MAPK8: variants seen among roughly 807,000 people sequenced by gnomAD.
The protein encoded by MAPK8 is JUN N-terminal kinase.
Under a neutral mutation model 52.9 loss-of-function variants are expected in MAPK8, and 13 were observed. That is an observed-to-expected ratio of 0.25 (90% CI 0.16 to 0.39). MAPK8 has a LOEUF of 0.39. Ranked by LOEUF, MAPK8 falls within the 10% of genes least tolerant of loss-of-function variation. The pLI, the probability that MAPK8 is intolerant of heterozygous loss-of-function variation, is 1.00. For synonymous variants in MAPK8, 191 were observed against 169.8 expected, an observed-to-expected ratio of 1.12 and a Z score of -0.97; for missense variants, 300 against 519.2, an observed-to-expected ratio of 0.58 and a Z score of 4.10.
chr10:48,416,582 A>G (rs1165659613), intron 5 of MAPK8, among the ~76,000 whole-genome samples: 2 of 152,220 alleles, frequency 1.3e-5, no homozygotes, highest in East Asian at 3.8e-4. Context: ...AGGAACTGGA[A>G]TGACCAAATT....
chr10:48,315,629 C>A (rs1418634466), intron 1 of MAPK8, among the ~76,000 whole-genome samples: 3 of 140,850 alleles, frequency 2.1e-5, no homozygotes, highest in South Asian at 2.2e-4. Flanking sequence ...GAAATGGCAT[C>A]TTTTTTTCCA....
At chr10:48,428,490 CAT>C (rs2043861937) in intron 10 of MAPK8, among the ~76,000 whole-genome samples, 1 of 152,180 alleles carries the variant, frequency 6.6e-6, no homozygotes, top group African/African-American at 2.4e-5. Context: ...GAGGTATAAA[CAT>C]GAATAAGTGA....
intron 1 of MAPK8, among the ~76,000 whole-genome samples, chr10:48,344,424 T>C (rs1845577427): frequency 6.6e-6 from 1 of 152,224 alleles, no homozygotes; most frequent in Non-Finnish European, 1.5e-5. Flanking sequence ...TCATCGATTT[T>C]TCATCAGGTA....
chr10:48,324,628 A>G (rs992459880), intron 1 of MAPK8, among the ~76,000 whole-genome samples: 3 of 151,416 alleles, frequency 2.0e-5, no homozygotes, highest in Non-Finnish European at 2.9e-5. Context: ...TTTTATCTCA[A>G]TTCCCACTGT....
intron 1 of MAPK8, among the ~76,000 whole-genome samples, chr10:48,394,061 C>G (rs1171967491): frequency 6.6e-6 from 1 of 151,798 alleles, no homozygotes; most frequent in East Asian, 1.9e-4. Flanking sequence ...CCTTGAAAAA[C>G]ACAAACTAAC....
In MAPK8 at chr10:48,426,031, G is replaced by A; in HGVS notation, c.832G>A (p.Val278Ile). 1 of 1,612,222 alleles carries A rather than the reference G, an allele frequency of 6.2e-7. No homozygotes were observed. The highest frequency in any genetic ancestry group is 8.5e-7 in the Non-Finnish European group (1 of 1,179,262). Residue 278 changes from valine to isoleucine, a missense_variant, in exon 8 of 12, where the codon GTC (valine) becomes ATC (isoleucine). Transcript: ENST00000374189. Reference sequence around the variant, plus strand: ...TAGCTTTGAGAAACTCTTCCCTGATGTCCTTTTCCCAGCTGACTCAGAACA... The same window carrying A: ...TAGCTTTGAGAAACTCTTCCCTGATATCCTTTTCCCAGCTGACTCAGAACA... ...GYSFEKLFPD[V>I]LFPADSEHNK...
intron 1 of MAPK8, among the ~76,000 whole-genome samples, chr10:48,326,805 C>T (rs1205097938): frequency 6.6e-6 from 1 of 152,154 alleles, no homozygotes; most frequent in Non-Finnish European, 1.5e-5. Flanking sequence ...TAAATTTCCT[C>T]CAATAGCGGG....
intron 6 of MAPK8, among the ~76,000 whole-genome samples, chr10:48,421,221 A>G (rs1001495152): frequency 2.0e-5 from 3 of 152,244 alleles, no homozygotes; most frequent in Non-Finnish European, 4.4e-5. Flanking sequence ...AAAAGATACA[A>G]TTAAGCTGAG....
intron 1 of MAPK8, among the ~76,000 whole-genome samples, chr10:48,390,206 A>G (rs944859694): frequency 6.6e-6 from 1 of 152,192 alleles, no homozygotes; most frequent in African/African-American, 2.4e-5. Flanking sequence ...CAGGGCTTCT[A>G]CTGATTGAAT....
At chr10:48,401,067 G>A (rs756422540) in intron 1 of MAPK8, among the ~76,000 whole-genome samples, 8 of 152,180 alleles carry the variant, frequency 5.3e-5, no homozygotes, top group Non-Finnish European at 1.2e-4. Flanking sequence ...GCCTTGGCAG[G>A]TCAGAGGATC....
At chr10:48,427,685 G>A (rs1163884638) in intron 10 of MAPK8, among the ~76,000 whole-genome samples, 2 of 152,104 alleles carry the variant, frequency 1.3e-5, no homozygotes, top group Non-Finnish European at 2.9e-5. Flanking sequence ...GTAGAGACAG[G>A]GTTTCACCAT....
rs71465463 is a variant in MAPK8, at chr10:48,403,917, TTGTGTGTG to T, written c.123-901_123-894del. Among the ~76,000 whole-genome samples, 104 of 125,748 alleles carry T rather than the reference TTGTGTGTG, an allele frequency of 8.3e-4. 1 individual carries two copies. Among genetic ancestry groups the T allele is most frequent in the South Asian group, 1.8e-3 (7 of 3,814 alleles). The allele number at this position is 125,748 out of a possible 152,430, so 82.5% of individuals were successfully genotyped here. ...GTGCCTGCCACCACGCCCGGCTAAT[TTGTGTGTG>T]TGTGTGTGTGTGTGTGTGTGTGTGT... On this transcript the variant is annotated intron_variant, in intron 2 of 11. Transcript: ENST00000374189.
intron 1 of MAPK8, among the ~76,000 whole-genome samples, chr10:48,313,632 C>G (rs978645601): frequency 3.9e-5 from 6 of 152,216 alleles, no homozygotes; most frequent in Non-Finnish European, 8.8e-5. Flanking sequence ...TTGGCTTTGC[C>G]AATGAAGGAT....
rs935130211 is a variant in MAPK8 at position 48,350,271 on chromosome 10, G to A, written c.-50+43450G>A. Among the ~76,000 whole-genome samples, 3 of 152,254 alleles carry A rather than the reference G, an allele frequency of 2.0e-5. 1 individual carries two copies. The highest frequency in any genetic ancestry group is 6.8e-3 in the Middle Eastern group (2 of 294). Reference sequence around the variant, plus strand: ...GACTTCTCCGTAACTCATTTTATGAGGCCAGCATTATCCTGATACCAAAAC... The same window carrying A: ...GACTTCTCCGTAACTCATTTTATGAAGCCAGCATTATCCTGATACCAAAAC... On this transcript the variant is annotated intron_variant, in intron 1 of 11. Transcript: ENST00000374189.
At chr10:48,409,987 T>G (rs1305766420) in intron 4 of MAPK8, 43 bp from the exon 5 acceptor site, 2 of 1,608,618 alleles carry the variant, frequency 1.2e-6, no homozygotes, top group Non-Finnish European at 1.7e-6. Context: ...TTTCTTAGAT[T>G]GCTGCTGGAC....
intron 1 of MAPK8, among the ~76,000 whole-genome samples, chr10:48,352,024 A>G (rs1422214668): frequency 2.0e-5 from 3 of 152,226 alleles, no homozygotes; most frequent in Admixed American, 1.3e-4. Flanking sequence ...TTAAAAATCT[A>G]CAGAAATAAA....
chr10:48,435,239 A>T lies in MAPK8; in HGVS notation c.*210A>T, dbSNP rs1013672709. ...CAAAACAGCAACAAAACTGTATTGT[A>T]TTTTTTTTGCTGTAATTAACTGTAT... On this transcript the variant is annotated 3_prime_UTR_variant, in exon 12 of 12. Transcript: ENST00000374189. 52 of 439,584 alleles carry T rather than the reference A, an allele frequency of 1.2e-4. No homozygotes were observed. The highest frequency in any genetic ancestry group is 1.8e-4 in the Non-Finnish European group (45 of 251,122). The allele number at this position is 439,584 out of a possible 1,614,324, so 27.2% of individuals were successfully genotyped here. A position where few individuals can be genotyped will look rare whatever the true frequency, so the allele number is the denominator to read the frequency against.
chr10:48,384,456 AT>A (rs1564562279), intron 1 of MAPK8, among the ~76,000 whole-genome samples: 1 of 152,200 alleles, frequency 6.6e-6, no homozygotes, highest in Non-Finnish European at 1.5e-5. Flanking sequence ...TTGGACACTG[AT>A]TTTGTTGAAT....
intron 3 of MAPK8, among the ~76,000 whole-genome samples, chr10:48,409,199 AAG>A (rs1356842371): frequency 6.6e-6 from 1 of 152,162 alleles, no homozygotes; most frequent in East Asian, 1.9e-4. Context: ...GAATGGAAAA[AAG>A]AGATTGAAGG....
Sources: allele counts gnomAD v4.1 joint callset (sites outside exome capture counted in the v4.1 genomes callset), GRCh38; gene constraint gnomAD v4.1.1; transcripts MANE v1.5; gene names NCBI Gene and HGNC (gene_info 2026-07-23, HGNC 2026-07-21).